The following HK2 variants were observed in gnomAD, a reference collection of about 807,000 sequenced individuals.
HK2 encodes hexokinase 2.
Under a neutral mutation model 92.9 loss-of-function variants are expected in HK2, and 42 were observed. The observed-to-expected ratio is 0.45, with a 90% confidence interval of 0.35 to 0.58. The LOEUF is 0.58. Ranked by LOEUF, HK2 falls within the 20% of genes least tolerant of loss-of-function variation. The pLI is 0.00. For missense variants in HK2, 978 were observed against 1,245.1 expected (o/e 0.79, Z 3.23); for synonymous variants, 422 against 468.0 (o/e 0.90, Z 1.27).
At chr2:74,886,207 A>C in intron 13 of HK2, 87 bp from the exon 14 acceptor site, 1 of 932,442 alleles carries the variant, frequency 1.1e-6, no homozygotes, top group Non-Finnish European at 1.8e-6. Flanking sequence ...TATATATTTT[A>C]TATACCTGTA....
At chr2:74,869,519 T>C (rs1021430971) in intron 3 of HK2, among the ~76,000 whole-genome samples, 2 of 152,150 alleles carry the variant, frequency 1.3e-5, no homozygotes, top group Admixed American at 1.3e-4. Flanking sequence ...ACCTGGGCAA[T>C]GGGGGTCCTT....
intron 2 of HK2, among the ~76,000 whole-genome samples, chr2:74,862,878 G>C (rs1032819585): frequency 2.0e-5 from 3 of 152,148 alleles, no homozygotes; most frequent in African/African-American, 7.2e-5. Flanking sequence ...GGGAGGTGCT[G>C]ACTAGAAGGA....
chr2:74,835,197 AG>A (rs935113752), intron 1 of HK2: 2 of 165,374 alleles, frequency 1.2e-5, no homozygotes, highest in Non-Finnish European at 2.6e-5. Context: ...AAAGGGGCAG[AG>A]GAACTCCGCC....
At chr2:74,863,785 TG>T (rs1197096181) in intron 2 of HK2, among the ~76,000 whole-genome samples, 10 of 152,158 alleles carry the variant, frequency 6.6e-5, no homozygotes. Flanking sequence ...TGCAGTTACC[TG>T]GGGCCACTGG....
chr2:74,883,088 C>G (rs1476245943), intron 12 of HK2, among the ~76,000 whole-genome samples: 1 of 151,298 alleles, frequency 6.6e-6, no homozygotes, highest in Non-Finnish European at 1.5e-5. Flanking sequence ...CTGCTGATGA[C>G]TGGTAGCCCT....
chr2:74,870,825 T>C (rs1000132043), intron 3 of HK2, among the ~76,000 whole-genome samples: 1 of 152,088 alleles, frequency 6.6e-6, no homozygotes, highest in African/African-American at 2.4e-5. Context: ...CTTGAAAATG[T>C]TTTGGTTTGG....
chr2:74,890,936 C>G lies in HK2; in HGVS notation c.2749C>G (p.Arg917Gly), dbSNP rs768457622. 4.3e-6 allele frequency: 7 copies of G among 1,613,994 alleles called. No homozygotes were observed. The highest frequency in any genetic ancestry group is 5.9e-6 in the Non-Finnish European group (7 of 1,180,028). The change falls in exon 18 of 18, where the codon CGA becomes GGA. Residue 917 changes from arginine to glycine, a missense_variant. By Grantham distance (125) the Arg-to-Gly change is moderately radical. Transcript: ENST00000290573. ...VACRIREAGQ[R>G] The stretch of plus-strand genomic sequence containing the variant: ...CTGCCGCATCCGTGAGGCTGGACAG[C>G]GATAGAACCCCTGAAATCGGAAGGG...
chr2:74,883,753 C>A (rs951391256), intron 12 of HK2, among the ~76,000 whole-genome samples: 1 of 152,210 alleles, frequency 6.6e-6, no homozygotes, highest in Non-Finnish European at 1.5e-5. Flanking sequence ...CTTTATGCCT[C>A]ATGTGGACAA....
At chr2:74,835,046 G>A (rs1016839365) in intron 1 of HK2, 1 of 291,718 alleles carries the variant, frequency 3.4e-6, no homozygotes, top group Non-Finnish European at 6.6e-6. Context: ...GTGGCTGCGG[G>A]AGGCTGCTCC....
At chr2:74,870,983 C>T (rs1193082639) in intron 3 of HK2, among the ~76,000 whole-genome samples, 2 of 152,170 alleles carry the variant, frequency 1.3e-5, no homozygotes, top group African/African-American at 4.8e-5. Context: ...GCTGACCATA[C>T]CCTAGGCATC....
At chr2:74,843,122 T>C (rs564810851) in intron 1 of HK2, among the ~76,000 whole-genome samples, 1 of 152,198 alleles carries the variant, frequency 6.6e-6, no homozygotes, top group Non-Finnish European at 1.5e-5. Flanking sequence ...GGACCCGCCA[T>C]GATAGGTTTG....
rs1214695878 is a variant in HK2, at chr2:74,892,525, C to G, written c.*1584C>G. 4 of 152,176 alleles carry G rather than the reference C, an allele frequency of 2.6e-5. No individual in the cohort carries two copies. The highest frequency in any genetic ancestry group is 5.9e-5 in the Non-Finnish European group (4 of 68,038). The allele number at this position is 152,176 out of a possible 1,614,324, so 9.4% of individuals were successfully genotyped here. On this transcript the variant is annotated 3_prime_UTR_variant, in exon 18 of 18. Transcript: ENST00000290573. Reference sequence around the variant, plus strand: ...AGTGGCTTAAAAACTTCCATCCCTACTTTTCAAGAGTGCAGTTGATTCTGA... The same window carrying G: ...AGTGGCTTAAAAACTTCCATCCCTAGTTTTCAAGAGTGCAGTTGATTCTGA...
chr2:74,854,858 C>T (rs1324301882), intron 2 of HK2, among the ~76,000 whole-genome samples: 2 of 152,224 alleles, frequency 1.3e-5, no homozygotes, highest in East Asian at 3.8e-4. Flanking sequence ...TGTGCATGCT[C>T]TAACTGGGAC....
chr2:74,854,198 G>A (rs1234990739), intron 1 of HK2, 95 bp from the exon 2 acceptor site: 3 of 1,152,388 alleles, frequency 2.6e-6, no homozygotes, highest in African/African-American at 3.0e-5. Context: ...AACAGATTTT[G>A]TTCTTTTGAA....
At chr2:74,856,576 T>C (rs1688701387) in intron 2 of HK2, among the ~76,000 whole-genome samples, 1 of 152,198 alleles carries the variant, frequency 6.6e-6, no homozygotes, top group South Asian at 2.1e-4. Context: ...GCACTAACAC[T>C]AAGTAAGTAC....
In HK2 at chr2:74,850,628, T is replaced by C. The variant is rs1294327944; in HGVS notation, c.64-3665T>C. 3.3e-5 allele frequency among the ~76,000 whole-genome samples: 5 copies of C among 152,300 alleles called. No individual in the cohort carries two copies. The East Asian group carries it at 7.7e-4, about 23-fold the overall frequency. On this transcript the variant is annotated intron_variant, in intron 1 of 17. Coordinates refer to ENST00000290573, the MANE Select transcript of HK2 (RefSeq NM_000189.5). ...ACCTGCTTGGCTTTCTCCTTTGACT[T>C]TGGGCCTGGTGCTCCCTCCCACTGA...
intron 1 of HK2, among the ~76,000 whole-genome samples, chr2:74,838,828 G>A (rs915590323): frequency 4.6e-5 from 7 of 152,150 alleles, no homozygotes; most frequent in Non-Finnish European, 5.9e-5. Context: ...GTGAGCCACC[G>A]CGCCTGGCTG....
At chr2:74,866,346 A>C (rs1194838142) in intron 2 of HK2, among the ~76,000 whole-genome samples, 1 of 152,180 alleles carries the variant, frequency 6.6e-6, no homozygotes, top group Non-Finnish European at 1.5e-5. Flanking sequence ...CAAACATGCC[A>C]ATAAGTGAAC....
At chr2:74,873,972 G>A (rs199719816) in intron 6 of HK2, 29 bp downstream of exon 6, 45 of 1,546,918 alleles carry the variant, frequency 2.9e-5, no homozygotes, top group East Asian at 6.7e-5. Context: ...TGAAGGGCCC[G>A]TGCTGGCCAA....
Sources: allele counts gnomAD v4.1 joint callset (sites outside exome capture counted in the v4.1 genomes callset), GRCh38; gene constraint gnomAD v4.1.1; transcripts MANE v1.5; gene names NCBI Gene and HGNC (gene_info 2026-07-23, HGNC 2026-07-21).